The following IGSF21 variants were observed in gnomAD, a reference collection of about 807,000 sequenced individuals.
IGSF21 encodes the protein immunoglobin superfamily member 21, also known as immunoglobulin superfamily member 21.
IGSF21 carries 28 observed loss-of-function variants against 46.8 expected under a neutral mutation model. That is an observed-to-expected ratio of 0.60 (90% CI 0.44 to 0.82). The LOEUF (loss-of-function observed/expected upper bound fraction) is 0.82, where lower values mean the gene tolerates loss of function less well. IGSF21 is among the 40% of genes least tolerant of loss of function. The pLI is 0.00. For synonymous variants in IGSF21, 284 were observed against 273.6 expected (o/e 1.04, Z -0.38); for missense variants, 624 against 665.5 (o/e 0.94, Z 0.69).
At chr1:18,235,176 C>T (rs149617498) in intron 2 of IGSF21, among the ~76,000 whole-genome samples, 1,883 of 152,272 alleles carry the variant, frequency 0.012, 38 homozygotes, top group African/African-American at 0.043. Flanking sequence ...ACGAGTTCCC[C>T]AGATGACAGT....
intron 1 of IGSF21, among the ~76,000 whole-genome samples, chr1:18,165,812 T>C (rs779363788): frequency 7.9e-5 from 12 of 152,250 alleles, no homozygotes; most frequent in Non-Finnish European, 1.6e-4. Flanking sequence ...CATAGCCTGT[T>C]CCTCTTCCTT....
intron 2 of IGSF21, among the ~76,000 whole-genome samples, chr1:18,237,892 A>G (rs1409825213): frequency 6.6e-6 from 1 of 152,124 alleles, no homozygotes; most frequent in Non-Finnish European, 1.5e-5. Context: ...TAAACAATAT[A>G]TTTGGTATTT....
chr1:18,271,910 G>A (rs1332846682), intron 2 of IGSF21, among the ~76,000 whole-genome samples: 1 of 152,152 alleles, frequency 6.6e-6, no homozygotes, highest in Admixed American at 6.5e-5. Flanking sequence ...GACCAACAGG[G>A]TGTCATTGAG....
At chr1:18,243,078 C>T (rs1335625136) in intron 2 of IGSF21, among the ~76,000 whole-genome samples, 4 of 152,142 alleles carry the variant, frequency 2.6e-5, no homozygotes, top group Non-Finnish European at 5.9e-5. Context: ...CAATCAGGGA[C>T]CTATGCCAAG....
intron 2 of IGSF21, among the ~76,000 whole-genome samples, chr1:18,246,029 G>A (rs2084779966): frequency 6.6e-6 from 1 of 152,172 alleles, no homozygotes; most frequent in African/African-American, 2.4e-5. Flanking sequence ...CCTGCAACCT[G>A]GCCTTGAATG....
intron 3 of IGSF21, among the ~76,000 whole-genome samples, chr1:18,301,345 T>C (rs948981384): frequency 6.6e-6 from 1 of 152,142 alleles, no homozygotes; most frequent in Non-Finnish European, 1.5e-5. Flanking sequence ...TGTTTGTTTG[T>C]TTGTTTGTTT....
chr1:18,180,497 A>G (rs1035941581), intron 1 of IGSF21, among the ~76,000 whole-genome samples: 3 of 152,242 alleles, frequency 2.0e-5, no homozygotes, highest in African/African-American at 7.2e-5. Flanking sequence ...AAGGTAGATC[A>G]ATAGCTTCCC....
intron 1 of IGSF21, among the ~76,000 whole-genome samples, chr1:18,200,275 A>C (rs998240096): frequency 2.0e-5 from 3 of 152,336 alleles, no homozygotes; most frequent in African/African-American, 7.2e-5. Context: ...ATCTAGGGAA[A>C]TGCCTGGGGC....
intron 2 of IGSF21, among the ~76,000 whole-genome samples, chr1:18,256,396 G>T (rs1268281681): frequency 2.0e-5 from 3 of 152,146 alleles, no homozygotes; most frequent in Non-Finnish European, 4.4e-5. Flanking sequence ...AGGGCTTAGG[G>T]TACAATAGGC....
At chr1:18,163,714 C>A (rs555253569) in intron 1 of IGSF21, among the ~76,000 whole-genome samples, 2 of 152,116 alleles carry the variant, frequency 1.3e-5, no homozygotes, top group Non-Finnish European at 2.9e-5. Flanking sequence ...TGGGAAAAGG[C>A]CCCCCAAGCT....
At chr1:18,366,212 G>C (rs549803581) in intron 6 of IGSF21, among the ~76,000 whole-genome samples, 1 of 152,324 alleles carries the variant, frequency 6.6e-6, no homozygotes, top group East Asian at 1.9e-4. Context: ...TGCTGGATTG[G>C]TGTTAAAAAC....
intron 1 of IGSF21, among the ~76,000 whole-genome samples, chr1:18,119,528 G>A (rs1272771856): frequency 6.6e-6 from 1 of 152,228 alleles, no homozygotes; most frequent in African/African-American, 2.4e-5. Context: ...CTCTTTGGGT[G>A]TGGCATGCCC....
At chr1:18,175,188 G>C (rs1179183390) in intron 1 of IGSF21, among the ~76,000 whole-genome samples, 2 of 152,182 alleles carry the variant, frequency 1.3e-5, no homozygotes, top group African/African-American at 4.8e-5. Flanking sequence ...TCAGAATTCT[G>C]TCTCTGCCTC....
chr1:18,339,584 C>T (rs2085806999), intron 4 of IGSF21, among the ~76,000 whole-genome samples: 1 of 151,998 alleles, frequency 6.6e-6, no homozygotes, highest in South Asian at 2.1e-4. Flanking sequence ...ATTAGCTGGG[C>T]TGTGGTGGTA....
chr1:18,225,196 G>A (rs760846727), intron 1 of IGSF21, among the ~76,000 whole-genome samples: 28 of 151,030 alleles, frequency 1.9e-4, no homozygotes, highest in Admixed American at 1.4e-3. Context: ...GGGAAAAGCT[G>A]TCTTGTCTTA....
Position 18,325,370 on chromosome 1 carries a change from G to A in IGSF21, c.306-9522G>A, listed in dbSNP as rs149251268. On this transcript the variant is annotated intron_variant, in intron 3 of 9. Transcript: ENST00000251296. ...GAAGGAGACCACCCAGTGTGTCTGC[G>A]GTGGGGCAGGGCAAGGGTAAACAGA... Among the ~76,000 whole-genome samples, 22 of 152,286 alleles carry A rather than the reference G, an allele frequency of 1.4e-4. No homozygotes were observed. The East Asian group carries it at 3.3e-3, about 23-fold the overall frequency.
At chr1:18,291,749 G>T in intron 2 of IGSF21, 117 bp from the exon 3 acceptor site, 1 of 1,256,086 alleles carries the variant, frequency 8.0e-7, no homozygotes, top group Non-Finnish European at 1.1e-6. Context: ...CTTATTCTCA[G>T]GATGGGGGCT....
intron 3 of IGSF21, among the ~76,000 whole-genome samples, chr1:18,316,203 G>A (rs1239864805): frequency 3.3e-5 from 5 of 152,126 alleles, no homozygotes; most frequent in Admixed American, 1.3e-4. Context: ...GAGCGGTGGC[G>A]GTTAGGTGCC....
intron 1 of IGSF21, among the ~76,000 whole-genome samples, chr1:18,148,129 CTTTTTTTT>C (rs58426436): frequency 9.2e-6 from 1 of 108,322 alleles, no homozygotes; most frequent in Non-Finnish European, 1.7e-5. Context: ...CAAGTATGTC[CTTTTTTTT>C]TTTTTTTTTT....
Sources: allele counts gnomAD v4.1 joint callset (sites outside exome capture counted in the v4.1 genomes callset), GRCh38; gene constraint gnomAD v4.1.1; transcripts MANE v1.5; gene names NCBI Gene and HGNC (gene_info 2026-07-23, HGNC 2026-07-21).